Variants in COL21A1 observed in about 807,000 individuals in gnomAD.
The protein encoded by COL21A1 is collagen type XXI alpha 1 chain, also known as collagen alpha-1(XXI) chain.
Under a neutral mutation model 137.9 loss-of-function variants are expected in COL21A1, and 149 were observed. That is an observed-to-expected ratio of 1.08 (90% CI 0.95 to 1.24). COL21A1 has a LOEUF of 1.24. Among genes scored for constraint, COL21A1 ranks in the 50% most tolerant of loss-of-function variants. The probability of loss-of-function intolerance (pLI) is 0.00; values close to 1 mark genes in which losing one functional copy is unlikely to be tolerated. For missense variants in COL21A1, 1,167 were observed against 1,158.4 expected (o/e 1.01, Z -0.11); for synonymous variants, 456 against 391.5 (o/e 1.16, Z -1.95).
chr6:56,306,240 T>C (rs976503142), intron 1 of COL21A1, among the ~76,000 whole-genome samples: 1 of 142,062 alleles, frequency 7.0e-6, no homozygotes, highest in African/African-American at 2.5e-5. Flanking sequence ...AGTATCTTTG[T>C]GGAGTTCTCT....
intron 10 of COL21A1, among the ~76,000 whole-genome samples, chr6:56,148,574 G>A (rs1020660722): frequency 9.2e-5 from 14 of 152,156 alleles, no homozygotes; most frequent in African/African-American, 3.4e-4. Flanking sequence ...TAATCTTCAT[G>A]GCATTCAGCC....
intron 1 of COL21A1, among the ~76,000 whole-genome samples, chr6:56,325,572 C>A (rs1422514829): frequency 4.6e-5 from 1 of 21,536 alleles, no homozygotes; most frequent in Non-Finnish European, 8.8e-5. Flanking sequence ...AATATATTAT[C>A]TATAATATAT....
intron 1 of COL21A1, among the ~76,000 whole-genome samples, chr6:56,390,419 A>G (rs897541862): frequency 6.6e-6 from 1 of 151,826 alleles, no homozygotes; most frequent in African/African-American, 2.4e-5. Context: ...GGCAGTAGTA[A>G]GTCCTTACCT....
intron 1 of COL21A1, among the ~76,000 whole-genome samples, chr6:56,274,776 A>G (rs1269085111): frequency 1.3e-5 from 2 of 152,168 alleles, no homozygotes; most frequent in Non-Finnish European, 2.9e-5. Flanking sequence ...AATCAGTATT[A>G]TTAAAATGGC....
chr6:56,179,697 G>T lies in COL21A1; in HGVS notation c.521C>A (p.Thr174Lys). 1 of 1,613,916 alleles carries T rather than the reference G, an allele frequency of 6.2e-7. No individual in the cohort carries two copies. Among genetic ancestry groups the T allele is most frequent in the Admixed American group, 1.7e-5 (1 of 60,010 alleles). ...TLFAIGVGSE[T>K]EDAELRAIAN... Reference sequence around the variant, plus strand: ...AATAGCTCTAAGTTCGGCATCTTCTGTTTCTGAACCAACACCAATAGCAAA... The same window carrying T: ...AATAGCTCTAAGTTCGGCATCTTCTTTTTCTGAACCAACACCAATAGCAAA... The change falls in exon 3 of 30, where the codon ACA (threonine) becomes AAA (lysine). Residue 174 changes from threonine to lysine, a missense_variant. Physicochemically the swap from Thr to Lys is moderately conservative, Grantham distance 78. Coordinates refer to ENST00000244728, the MANE Select transcript of COL21A1 (RefSeq NM_030820.4).
At chr6:56,101,567 G>T (rs1295697233) in intron 16 of COL21A1, 42 bp from the exon 17 acceptor site, 2 of 1,414,114 alleles carry the variant, frequency 1.4e-6, no homozygotes, top group Non-Finnish European at 2.0e-6. Context: ...ATTCAGTTTT[G>T]AGGTCTGCTT....
rs1776976238 is a variant in COL21A1, at chr6:56,170,804, C to G, written c.871G>C (p.Val291Leu). 1 of 1,610,454 alleles carries G rather than the reference C, an allele frequency of 6.2e-7. No individual in the cohort carries two copies. The highest frequency in any genetic ancestry group is 1.3e-5 in the African/African-American group (1 of 74,824). Residue 291 changes from valine (V) to leucine (L), a missense_variant, in exon 5 of 30, where the codon GTC (valine) becomes CTC (leucine). By Grantham distance (32) the Val-to-Leu change is conservative (BLOSUM62 1). Coordinates refer to ENST00000244728, the MANE Select transcript of COL21A1 (RefSeq NM_030820.4). The part of the protein sequence containing the change: ...YVFVSTQRFK[V>L]KKIWDLWRIL... ...CTCCATAAATCCCAAATTTTCTTGA[C>G]TTTAAATCTTTGAGTAGACACAAAT...
chr6:56,183,610 C>T (rs112271690), intron 1 of COL21A1, among the ~76,000 whole-genome samples: 19 of 152,240 alleles, frequency 1.2e-4, no homozygotes, highest in African/African-American at 4.6e-4. Flanking sequence ...GAGTCTGTCC[C>T]TCTTCCTCTC....
chr6:56,094,288 A>T (rs1769127012), intron 17 of COL21A1, among the ~76,000 whole-genome samples: 1 of 152,144 alleles, frequency 6.6e-6, no homozygotes, highest in Non-Finnish European at 1.5e-5. Context: ...ACTTTATGAC[A>T]AGGTGTCACT....
chr6:56,148,725 G>A (rs1481208323), intron 10 of COL21A1, among the ~76,000 whole-genome samples: 4 of 152,060 alleles, frequency 2.6e-5, no homozygotes, highest in African/African-American at 9.7e-5. Context: ...CTCAACAAGT[G>A]TACTCTGCAA....
chr6:56,097,908 TAA>T (rs1209033646), intron 17 of COL21A1, among the ~76,000 whole-genome samples: 2 of 96,892 alleles, frequency 2.1e-5, no homozygotes, highest in East Asian at 2.5e-4. Flanking sequence ...TATAAATATA[TAA>T]ATATATATAA....
At chr6:56,276,964 C>T (rs911772872) in intron 1 of COL21A1, among the ~76,000 whole-genome samples, 8 of 137,160 alleles carry the variant, frequency 5.8e-5, no homozygotes, top group Admixed American at 2.3e-4. Context: ...CATGCCGCCA[C>T]GCCTGGCTAA....
At chr6:56,211,998 GT>G (rs1345813330) in intron 1 of COL21A1, among the ~76,000 whole-genome samples, 1 of 152,084 alleles carries the variant, frequency 6.6e-6, no homozygotes, top group African/African-American at 2.4e-5. Context: ...GGAGAAAAAG[GT>G]GGTATCAACT....
chr6:56,100,248 T>A (rs530598286), intron 17 of COL21A1, among the ~76,000 whole-genome samples: 5 of 152,316 alleles, frequency 3.3e-5, no homozygotes, highest in African/African-American at 1.2e-4. Context: ...TTCCTTTGAT[T>A]CCCAGTCATC....
intron 9 of COL21A1, among the ~76,000 whole-genome samples, chr6:56,158,253 C>CTTTTTTTTTTTTTTTTTTTTTTTTTTTT (rs59381031): frequency 2.9e-5 from 3 of 104,908 alleles, no homozygotes; most frequent in Non-Finnish European, 5.4e-5. Flanking sequence ...TGGGTTTTTT[C>CTTTTTTTTTTTTTTTTTTTTTTTTTTTT]TTTTTTTTTT....
chr6:56,245,843 C>G (rs1782610037), intron 1 of COL21A1, among the ~76,000 whole-genome samples: 1 of 152,138 alleles, frequency 6.6e-6, no homozygotes, highest in African/African-American at 2.4e-5. Flanking sequence ...TTATATACCT[C>G]AGTCACAAAT....
chr6:56,244,749 A>T (rs1782547160), intron 1 of COL21A1, among the ~76,000 whole-genome samples: 2 of 152,232 alleles, frequency 1.3e-5, no homozygotes, highest in Admixed American at 1.3e-4. Context: ...CATAAAAGGC[A>T]TTCTCAGTAA....
At chr6:56,297,349 G>GT (rs562712945) in intron 1 of COL21A1, among the ~76,000 whole-genome samples, 253 of 151,866 alleles carry the variant, frequency 1.7e-3, no homozygotes, top group Non-Finnish European at 2.9e-3. Flanking sequence ...TTACTTCATT[G>GT]TTTTTTTTAT....
At chr6:56,067,235 G>T (rs1190159690) in intron 23 of COL21A1, 60 bp downstream of exon 23, 3 of 1,238,000 alleles carry the variant, frequency 2.4e-6, no homozygotes, top group East Asian at 4.8e-5. Context: ...AGTAAAATAA[G>T]AACTTTTTAA....
Sources: allele counts gnomAD v4.1 joint callset (sites outside exome capture counted in the v4.1 genomes callset), GRCh38; gene constraint gnomAD v4.1.1; transcripts MANE v1.5; gene names NCBI Gene and HGNC (gene_info 2026-07-23, HGNC 2026-07-21).